ALS2CL: variants seen among roughly 807,000 people sequenced by gnomAD.
ALS2CL encodes the protein ALS2 C-terminal-like protein.
ALS2CL carries 112 observed loss-of-function variants against 127.9 expected under a neutral mutation model. The ratio of observed to expected loss-of-function variants is 0.88; its 90% CI spans 0.75 to 1.02. The LOEUF is 1.02. ALS2CL is among the 50% of genes least tolerant of loss of function. The probability of loss-of-function intolerance (pLI) is 0.00; values close to 1 mark genes in which losing one functional copy is unlikely to be tolerated. For synonymous variants in ALS2CL, 519 were observed against 527.6 expected (o/e 0.98, Z 0.22); for missense variants, 1,174 against 1,236.7 (o/e 0.95, Z 0.76).
chr3:46,671,163 A>C, intron 25 of ALS2CL, 99 bp from the exon 26 acceptor site: 1 of 1,297,632 alleles, frequency 7.7e-7, no homozygotes. Flanking sequence ...CCACCTCCCA[A>C]CCCAGAGGAG....
rs1433333761 is a variant in ALS2CL at position 46,687,584 on chromosome 3, CCT to C, written c.368+33_368+34del. The C allele has an allele frequency of 3.1e-6, 5 of 1,608,980 alleles. No individual in the cohort carries two copies. The African/African-American group carries it at 6.7e-5, about 21-fold the overall frequency. ...CCCACCCTCACTCAGGCACTCCCAC[CCT>C]GTCAGGGGCCAGTGCACCAGCCCTG... On this transcript the variant is annotated intron_variant, in intron 4 of 25. Coordinates refer to ENST00000318962, the MANE Select transcript of ALS2CL (RefSeq NM_147129.5).
At position 46,681,636 on chromosome 3, in the gene ALS2CL, C is replaced by A. The variant is rs1030635095; in HGVS notation, c.1176-38G>T. The A allele has an allele frequency of 1.2e-6, 2 of 1,602,166 alleles. No homozygotes were observed. The highest frequency in any genetic ancestry group is 1.3e-5 in the African/African-American group (1 of 74,774). On this transcript the variant is annotated intron_variant, in intron 11 of 25. Coordinates refer to ENST00000318962, the MANE Select transcript of ALS2CL (RefSeq NM_147129.5). The surrounding 1 kb of genome is among the most constrained non-coding windows in gnomAD (Gnocchi z 4.9). ...TTGTGGGGGTGGGGATCAGCCCTGA[C>A]CTGAGACGCCCATTACACCTACTCC...
At chr3:46,688,371 G>A (rs1270007871) in intron 2 of ALS2CL, 75 bp from the exon 3 acceptor site, 1 of 1,446,080 alleles carries the variant, frequency 6.9e-7, no homozygotes, top group African/African-American at 1.4e-5. Flanking sequence ...ACAGGCCCCA[G>A]GTGTTCACAT....
intron 2 of ALS2CL, 41 bp from the exon 3 acceptor site, chr3:46,688,337 G>A: frequency 6.3e-7 from 1 of 1,586,544 alleles, no homozygotes; most frequent in Non-Finnish European, 8.6e-7. Context: ...AGAGGACGTG[G>A]GCTCCATCTC....
At chr3:46,687,981 A>G in intron 3 of ALS2CL, 117 bp downstream of exon 3, 1 of 1,294,934 alleles carries the variant, frequency 7.7e-7, no homozygotes, top group South Asian at 1.4e-5. Flanking sequence ...CCATGGACTG[A>G]GCCCAAACCT....
In ALS2CL at chr3:46,687,677, C is replaced by T; in HGVS notation, c.310G>A (p.Glu104Lys). The T allele has an allele frequency of 1.9e-6, 3 of 1,612,704 alleles. No individual in the cohort carries two copies. Among genetic ancestry groups the T allele is most frequent in the Non-Finnish European group, 2.5e-6 (3 of 1,179,476 alleles). ...RVLQAHIEYI[E>K]SYTSCMVVQA... ...ACCACCATGCAGCTTGTGTAGGACT[C>T]AATGTACCTGCAGGCAGCACAGGGG... The change falls in exon 4 of 26, where the codon GAG (glutamate) becomes AAG (lysine). Residue 104 changes from glutamate to lysine, a missense_variant. Coordinates refer to ENST00000318962, the MANE Select transcript of ALS2CL (RefSeq NM_147129.5).
intron 24 of ALS2CL, 85 bp from the exon 25 acceptor site, chr3:46,671,669 G>A: frequency 6.2e-7 from 1 of 1,600,774 alleles, no homozygotes; most frequent in Non-Finnish European, 8.5e-7. Flanking sequence ...AGGAGCGCTG[G>A]CCTGGATGGC....
rs372824981 is a variant in ALS2CL, at chr3:46,683,774, A to G, written c.912+8T>C. The G allele has an allele frequency of 9.5e-5, 153 of 1,613,726 alleles. No individual in the cohort carries two copies. The highest frequency in any genetic ancestry group is 1.3e-4 in the Non-Finnish European group (149 of 1,179,876). ...CGCTCCCGCAGTTCACAGCTCACCC[A>G]CACTCACCTGGCCCTGGGAGTCCTT... is the stretch of plus-strand genomic sequence containing the variant. On this transcript the variant is annotated splice_region_variant and intron_variant, in intron 9 of 25. Transcript: ENST00000318962.
At chr3:46,688,932 A>G (rs542044796) in intron 2 of ALS2CL, among the ~76,000 whole-genome samples, 2 of 152,300 alleles carry the variant, frequency 1.3e-5, no homozygotes, top group East Asian at 3.9e-4. Flanking sequence ...GCGTTCCTTT[A>G]AAAAAGGAGC....
chr3:46,678,016 G>C (rs1266970707), intron 16 of ALS2CL, among the ~76,000 whole-genome samples: 2 of 109,588 alleles, frequency 1.8e-5, no homozygotes, highest in African/African-American at 3.8e-5. Flanking sequence ...AAAAAAAAAA[G>C]CAGGACCTAA....
chr3:46,675,320 G>C, intron 20 of ALS2CL: 1 of 387,130 alleles, frequency 2.6e-6, no homozygotes, highest in South Asian at 3.7e-5. Flanking sequence ...TGTGTGCAGG[G>C]AGAGGAGGGT....
At chr3:46,676,786 CT>C (rs1698866533) in intron 17 of ALS2CL, 48 bp from the exon 18 acceptor site, 1 of 1,611,734 alleles carries the variant, frequency 6.2e-7, no homozygotes, top group Non-Finnish European at 8.5e-7. Context: ...GCCCAGCCCC[CT>C]CCCCCCAGGA....
Position 46,670,895 on chromosome 3 carries a change from G to C in ALS2CL, c.*89C>G, listed in dbSNP as rs995038852. Reference sequence around the variant, plus strand: ...CTCATCTCCTCCAAGAGCTGCTTCTGAGGGCCTGTCCTGCCCCTTGCCTTG... The same window carrying C: ...CTCATCTCCTCCAAGAGCTGCTTCTCAGGGCCTGTCCTGCCCCTTGCCTTG... On this transcript the variant is annotated 3_prime_UTR_variant, in exon 26 of 26. Transcript: ENST00000318962. This position sits in a 1 kb window ranked among gnomAD's most constrained non-coding sequence, Gnocchi z 5.5. 8 of 1,346,950 alleles carry C rather than the reference G, an allele frequency of 5.9e-6. No individual in the cohort carries two copies. The African/African-American group carries it at 1.2e-4, about 19-fold the overall frequency. The allele number at this position is 1,346,950 out of a possible 1,614,324, so 83.4% of individuals were successfully genotyped here.
At position 46,683,361 on chromosome 3, in the gene ALS2CL, T is replaced by C. The variant is rs368781959; in HGVS notation, c.913-35A>G. The C allele has an allele frequency of 9.0e-6, 14 of 1,552,964 alleles. 1 individual carries two copies. The highest frequency in any genetic ancestry group is 2.4e-5 in the South Asian group (2 of 84,648). On this transcript the variant is annotated intron_variant, in intron 9 of 25. Coordinates refer to ENST00000318962, the MANE Select transcript of ALS2CL (RefSeq NM_147129.5). ...GGGGGAACATGGGGAAGGGGATCAC[T>C]GCTGCTGGAGGCTTTCCCTCCAGGA... is the stretch of plus-strand genomic sequence containing the variant.
intron 16 of ALS2CL, chr3:46,677,235 G>A (rs886560014): frequency 2.9e-5 from 40 of 1,399,780 alleles, no homozygotes; most frequent in South Asian, 9.9e-5. Flanking sequence ...TCTACCCTGC[G>A]ACGAGAAGAC....
In ALS2CL at chr3:46,680,416, T is replaced by C; in HGVS notation, c.1548+14A>G. 6.2e-7 allele frequency: 1 copy of C among 1,610,464 alleles called. No individual in the cohort carries two copies. Among genetic ancestry groups the C allele is most frequent in the Non-Finnish European group, 8.5e-7 (1 of 1,178,440 alleles). On this transcript the variant is annotated intron_variant, in intron 14 of 25. Coordinates refer to ENST00000318962, the MANE Select transcript of ALS2CL (RefSeq NM_147129.5). Reference sequence around the variant, plus strand: ...GTGCAAAGAGAGGGATAGCCCAGGATACACTCCACTCACCACCGTCTTGTC... The same window carrying C: ...GTGCAAAGAGAGGGATAGCCCAGGACACACTCCACTCACCACCGTCTTGTC...
chr3:46,671,627 G>C, intron 24 of ALS2CL, 43 bp from the exon 25 acceptor site: 1 of 1,613,316 alleles, frequency 6.2e-7, no homozygotes, highest in Non-Finnish European at 8.5e-7. Flanking sequence ...GAGACAAGGA[G>C]AAGAGGCCTG....
rs910073447 is a variant in ALS2CL, at chr3:46,680,664, T to C, written c.1437-123A>G. ...GGGCAGTGACATCACCTGAATCCAC[T>C]CAACAGACACAGTGCCAGAGAGGTC... is the stretch of plus-strand genomic sequence containing the variant. On this transcript the variant is annotated intron_variant, in intron 13 of 25. Transcript: ENST00000318962. The C allele has an allele frequency of 7.7e-6, 6 of 780,804 alleles. No individual in the cohort carries two copies. In the Admixed American group the frequency reaches 1.1e-4, roughly 14 times the overall value. 48.4% of individuals were successfully genotyped at this position (780,804 alleles called of 1,614,324 possible). A position where few individuals can be genotyped will look rare whatever the true frequency, so the allele number is the denominator to read the frequency against.
At position 46,676,967 on chromosome 3, in the gene ALS2CL, G is replaced by T. The variant is rs1395764787; in HGVS notation, c.1813C>A (p.Pro605Thr). The T allele has an allele frequency of 5.0e-6, 8 of 1,613,194 alleles. No homozygotes were observed. Among genetic ancestry groups the T allele is most frequent in the Non-Finnish European group, 6.8e-6 (8 of 1,179,738 alleles). The part of the protein sequence containing the change: ...VESRWQGVYS[P>T]FRDFVCAGCP... ...CCAGCACACACAAAGTCCCGGAAGG[G>T]GCTGTAGACTCCCTGCCAGCGGCTT... The change falls in exon 17 of 26, where the codon CCC (proline) becomes ACC (threonine). Residue 605 changes from proline to threonine, a missense_variant. Coordinates refer to ENST00000318962, the MANE Select transcript of ALS2CL (RefSeq NM_147129.5).
Sources: gnomAD v4.1 joint callset for allele counts (sites outside exome capture counted in the v4.1 genomes callset) on GRCh38, gnomAD v4.1.1 for gene constraint, Gnocchi (gnomAD v3.1) non-coding constraint, MANE v1.5 for transcripts, NCBI Gene and HGNC (gene_info 2026-07-23, HGNC 2026-07-21) for gene names.